The following CTNND2 variants were observed in gnomAD, a reference collection of about 807,000 sequenced individuals.
CTNND2 encodes the protein catenin delta 2, also known as catenin delta-2.
Under a neutral mutation model 144.4 loss-of-function variants are expected in CTNND2, and 22 were observed. The ratio of observed to expected loss-of-function variants is 0.15; its 90% CI spans 0.11 to 0.22. The LOEUF (loss-of-function observed/expected upper bound fraction) is 0.22. Among genes scored for constraint, CTNND2 ranks in the 10% least tolerant of loss-of-function variants. The probability of loss-of-function intolerance (pLI) is 1.00; values close to 1 mark genes in which losing one functional copy is unlikely to be tolerated. For missense variants in CTNND2, 1,353 were observed against 1,618.8 expected, an observed-to-expected ratio of 0.84 and a Z score of 2.82; for synonymous variants, 751 against 695.6, an observed-to-expected ratio of 1.08 and a Z score of -1.25.
chr5:11,816,249 G>C (rs1314874829), intron 1 of CTNND2, among the ~76,000 whole-genome samples: 1 of 152,148 alleles, frequency 6.6e-6, no homozygotes, highest in Non-Finnish European at 1.5e-5. Context: ...CGGTCAGTGA[G>C]TATAGAGTTC....
At chr5:11,088,201 A>C (rs1750380375) in intron 15 of CTNND2, among the ~76,000 whole-genome samples, 1 of 152,196 alleles carries the variant, frequency 6.6e-6, no homozygotes, top group Non-Finnish European at 1.5e-5. Context: ...TAGACAGTGC[A>C]TGGTATGAGA....
At chr5:11,731,785 T>C (rs376111868) in intron 2 of CTNND2, among the ~76,000 whole-genome samples, 1 of 152,206 alleles carries the variant, frequency 6.6e-6, no homozygotes, top group African/African-American at 2.4e-5. Flanking sequence ...GGATATATTT[T>C]AATTTTTCAT....
chr5:11,435,442 G>A (rs1032035650), intron 3 of CTNND2, among the ~76,000 whole-genome samples: 10 of 152,016 alleles, frequency 6.6e-5, no homozygotes, highest in South Asian at 2.1e-4. Context: ...GCGCCCCGCC[G>A]TTTGACAAAC....
chr5:11,655,252 G>A (rs537838816), intron 2 of CTNND2, among the ~76,000 whole-genome samples: 1 of 151,948 alleles, frequency 6.6e-6, no homozygotes, highest in South Asian at 2.1e-4. Flanking sequence ...ATGTAAGAGA[G>A]ACTTAACTAT....
intron 9 of CTNND2, among the ~76,000 whole-genome samples, chr5:11,282,907 A>T (rs573917163): frequency 6.6e-6 from 1 of 152,316 alleles, no homozygotes; most frequent in African/African-American, 2.4e-5. Flanking sequence ...ATGTTTACTC[A>T]AAACTCAGGA....
intron 19 of CTNND2, among the ~76,000 whole-genome samples, chr5:10,991,276 G>A (rs1252747517): frequency 6.6e-6 from 1 of 152,180 alleles, no homozygotes; most frequent in Non-Finnish European, 1.5e-5. Context: ...CTCGCGGGTA[G>A]GGAGACCACT....
chr5:11,872,358 C>T (rs1735206789), intron 1 of CTNND2, among the ~76,000 whole-genome samples: 1 of 152,124 alleles, frequency 6.6e-6, no homozygotes, highest in African/African-American at 2.4e-5. Context: ...GTGCATGTGT[C>T]TTTATAGTAG....
Position 11,384,450 on chromosome 5 carries a change from T to C in CTNND2, c.1177+215A>G, listed in dbSNP as rs1758829320. ...AAGAGAGTGATATAGGTGTTAGAGA[T>C]TGAGACACCACATTACTCCGGAAAA... On this transcript the variant is annotated intron_variant, in intron 7 of 21. Coordinates refer to ENST00000304623, the MANE Select transcript of CTNND2 (RefSeq NM_001332.4). This position sits in a 1 kb window ranked among gnomAD's most constrained non-coding sequence, Gnocchi z 5.2. 5 of 583,112 alleles carry C rather than the reference T, an allele frequency of 8.6e-6. No individual in the cohort carries two copies. Among genetic ancestry groups the C allele is most frequent in the Admixed American group, 3.0e-5 (1 of 32,918 alleles). 36.1% of individuals were successfully genotyped at this position (583,112 alleles called of 1,614,324 possible).
intron 9 of CTNND2, among the ~76,000 whole-genome samples, chr5:11,270,471 T>TA (rs34326518): frequency 0.017 from 2,419 of 144,478 alleles, 59 homozygotes; most frequent in African/African-American, 0.055. Context: ...AACAATGTGG[T>TA]AAAAAAAAAA....
chr5:11,036,320 G>A (rs191211854), intron 16 of CTNND2, among the ~76,000 whole-genome samples: 4 of 152,106 alleles, frequency 2.6e-5, no homozygotes, highest in East Asian at 1.9e-4. Context: ...CTGAAGTTAC[G>A]TCTTGTCTTC....
chr5:11,827,872 A>C (rs945121162), intron 1 of CTNND2, among the ~76,000 whole-genome samples: 1 of 152,210 alleles, frequency 6.6e-6, no homozygotes, highest in African/African-American at 2.4e-5. Flanking sequence ...ATTGTATATA[A>C]GATTTTGCAA....
At chr5:11,879,212 C>G (rs751616105) in intron 1 of CTNND2, among the ~76,000 whole-genome samples, 6 of 151,738 alleles carry the variant, frequency 4.0e-5, no homozygotes, top group Non-Finnish European at 8.8e-5. Flanking sequence ...AGCTGTGGGG[C>G]AGACAGGCTA....
chr5:11,684,173 C>A (rs1784543325), intron 2 of CTNND2, among the ~76,000 whole-genome samples: 1 of 151,814 alleles, frequency 6.6e-6, no homozygotes, highest in Non-Finnish European at 1.5e-5. Context: ...ACAATCTCGG[C>A]TCACTGCAAG....
At chr5:11,575,135 T>C (rs1021025250) in intron 2 of CTNND2, among the ~76,000 whole-genome samples, 1 of 152,162 alleles carries the variant, frequency 6.6e-6, no homozygotes, top group African/African-American at 2.4e-5. Context: ...CTAACAACGC[T>C]TTCCTGAATT....
intron 16 of CTNND2, among the ~76,000 whole-genome samples, chr5:11,068,632 T>C (rs1010545866): frequency 6.6e-6 from 1 of 152,170 alleles, no homozygotes; most frequent in Non-Finnish European, 1.5e-5. Flanking sequence ...AAGAATCTAC[T>C]AGGCCAGGCG....
At chr5:11,780,668 C>T (rs747395748) in intron 1 of CTNND2, among the ~76,000 whole-genome samples, 6 of 152,200 alleles carry the variant, frequency 3.9e-5, no homozygotes, top group Admixed American at 2.6e-4. Flanking sequence ...CCCAAGTAAA[C>T]AGACATTTTT....
chr5:11,338,158 T>C (rs1753902818), intron 9 of CTNND2, among the ~76,000 whole-genome samples: 1 of 152,080 alleles, frequency 6.6e-6, no homozygotes, highest in Non-Finnish European at 1.5e-5. Context: ...GCAGGGGTGT[T>C]AGGGAGGGTG....
At chr5:11,476,990 A>G (rs1156965009) in intron 3 of CTNND2, among the ~76,000 whole-genome samples, 1 of 152,182 alleles carries the variant, frequency 6.6e-6, no homozygotes, top group Non-Finnish European at 1.5e-5. Context: ...AAAACTGGGG[A>G]TTCACAGTTA....
intron 2 of CTNND2, among the ~76,000 whole-genome samples, chr5:11,571,826 T>C (rs758425598): frequency 3.9e-5 from 6 of 152,298 alleles, no homozygotes; most frequent in Non-Finnish European, 5.9e-5. Context: ...TTTCACACTT[T>C]AATATCTCTG....
Sources: allele counts gnomAD v4.1 joint callset (sites outside exome capture counted in the v4.1 genomes callset), GRCh38; gene constraint gnomAD v4.1.1; non-coding constraint Gnocchi (gnomAD v3.1); transcripts MANE v1.5; gene names NCBI Gene and HGNC (gene_info 2026-07-23, HGNC 2026-07-21).